MYO5B: variants seen among roughly 807,000 people sequenced by gnomAD.
MYO5B encodes the protein myosin VB.
Under a neutral mutation model 229.3 loss-of-function variants are expected in MYO5B, and 143 were observed. That is an observed-to-expected ratio of 0.62 (90% CI 0.54 to 0.72). MYO5B has a LOEUF of 0.72. Among genes scored for constraint, MYO5B ranks in the 30% least tolerant of loss-of-function variants. The pLI, the probability that MYO5B is intolerant of heterozygous loss-of-function variation, is 0.00. For synonymous variants in MYO5B, 918 were observed against 885.2 expected (o/e 1.04, Z -0.66); for missense variants, 2,321 against 2,331.0 (o/e 1.00, Z 0.09).
At chr18:49,843,217 T>A in intron 34 of MYO5B, 24 bp downstream of exon 34, 3 of 1,613,054 alleles carry the variant, frequency 1.9e-6, no homozygotes, top group Non-Finnish European at 1.7e-6. Context: ...CCACAAACCA[T>A]GACCTTCTGC....
Position 49,847,298 on chromosome 18 carries a change from G to T in MYO5B, c.4316-9C>A, listed in dbSNP as rs1433742224. ...GGCCAATGCCTGGGCAGCTGAGCAGGAAAGAAAACAGGAAGCATGGATGAG... is the reference window on the plus strand; with the variant it reads ...GGCCAATGCCTGGGCAGCTGAGCAGTAAAGAAAACAGGAAGCATGGATGAG... On this transcript the variant is annotated splice_polypyrimidine_tract_variant and intron_variant, in intron 32 of 39. Transcript: ENST00000285039. 6.2e-7 allele frequency: 1 copy of T among 1,612,586 alleles called. No homozygotes were observed. The highest frequency in any genetic ancestry group is 1.3e-5 in the African/African-American group (1 of 74,882).
intron 13 of MYO5B, among the ~76,000 whole-genome samples, chr18:49,954,081 T>C (rs1024841185): frequency 1.3e-4 from 20 of 151,136 alleles, no homozygotes; most frequent in Admixed American, 6.6e-4. Context: ...TATTCATATA[T>C]ATATATGAAT....
intron 22 of MYO5B, among the ~76,000 whole-genome samples, chr18:49,892,340 G>A (rs369540141): frequency 2.0e-5 from 3 of 152,312 alleles, no homozygotes; most frequent in African/African-American, 7.2e-5. Flanking sequence ...ACAGAGAGAT[G>A]AATTCCTGCC....
At chr18:50,061,331 T>G (rs956128108) in intron 1 of MYO5B, among the ~76,000 whole-genome samples, 3 of 152,162 alleles carry the variant, frequency 2.0e-5, no homozygotes, top group Non-Finnish European at 4.4e-5. Flanking sequence ...GAGCCCACTA[T>G]CACAGCACAT....
chr18:49,947,060 T>C (rs1017505660), intron 14 of MYO5B, among the ~76,000 whole-genome samples: 16 of 149,940 alleles, frequency 1.1e-4, no homozygotes, highest in Non-Finnish European at 2.2e-4. Context: ...GTCCCAACTA[T>C]ACACAAGCCC....
At chr18:49,879,871 G>T (rs997566016) in intron 23 of MYO5B, among the ~76,000 whole-genome samples, 11 of 152,324 alleles carry the variant, frequency 7.2e-5, no homozygotes, top group African/African-American at 2.6e-4. Flanking sequence ...AACATTAACA[G>T]ATGACCCACT....
chr18:50,125,789 A>C (rs930444336), intron 1 of MYO5B, among the ~76,000 whole-genome samples: 5 of 152,242 alleles, frequency 3.3e-5, no homozygotes, highest in Non-Finnish European at 7.3e-5. Context: ...TGGATCAACA[A>C]GCAGACTATC....
At position 49,845,043 on chromosome 18, in the gene MYO5B, C is replaced by T. The variant is rs373619079; in HGVS notation, c.4460-1651G>A. ...GTAGCTCAGCAGGAGATGACCTTTCCTGGGGCCACCTGAGCAAGGGTCATC... is the reference window on the plus strand; with the variant it reads ...GTAGCTCAGCAGGAGATGACCTTTCTTGGGGCCACCTGAGCAAGGGTCATC... On this transcript the variant is annotated intron_variant, in intron 33 of 39. Coordinates refer to ENST00000285039, the MANE Select transcript of MYO5B (RefSeq NM_001080467.3). 2.0e-5 allele frequency among the ~76,000 whole-genome samples: 3 copies of T among 152,282 alleles called. No homozygotes were observed. In the East Asian group the frequency reaches 5.8e-4, roughly 29 times the overall value.
At chr18:50,079,514 C>A (rs112979422) in intron 1 of MYO5B, among the ~76,000 whole-genome samples, 1,538 of 152,276 alleles carry the variant, frequency 0.01, 29 homozygotes, top group African/African-American at 0.034. Flanking sequence ...CTCAAATTCT[C>A]CCCCCTTGAG....
intron 4 of MYO5B, among the ~76,000 whole-genome samples, chr18:50,002,614 T>A (rs2026060274): frequency 6.6e-6 from 1 of 152,188 alleles, no homozygotes; most frequent in South Asian, 2.1e-4. Flanking sequence ...GATCGCAGTT[T>A]CGGGAAACGG....
At chr18:49,915,402 C>G (rs2025002671) in intron 17 of MYO5B, among the ~76,000 whole-genome samples, 1 of 152,210 alleles carries the variant, frequency 6.6e-6, no homozygotes, top group Admixed American at 6.5e-5. Flanking sequence ...GGAACAAGAG[C>G]CCGTATTCAG....
intron 1 of MYO5B, among the ~76,000 whole-genome samples, chr18:50,068,749 T>C (rs1311281081): frequency 6.6e-6 from 1 of 152,148 alleles, no homozygotes; most frequent in South Asian, 2.1e-4. Flanking sequence ...TCCCTCAGCA[T>C]CCAAATAGCA....
At chr18:49,882,626 C>CAAAAAAAAAAAAAAAAAA (rs10683323) in intron 22 of MYO5B, among the ~76,000 whole-genome samples, 4 of 93,830 alleles carry the variant, frequency 4.3e-5, no homozygotes, top group Admixed American at 1.3e-4. Context: ...GAAATCATCT[C>CAAAAAAAAAAAAAAAAAA]AAAAAAAAAA....
At chr18:49,968,622 G>A (rs2025654176) in intron 10 of MYO5B, among the ~76,000 whole-genome samples, 1 of 152,124 alleles carries the variant, frequency 6.6e-6, no homozygotes, top group Non-Finnish European at 1.5e-5. Context: ...GGCCTGGGGA[G>A]TTTCTTCAGA....
chr18:49,902,968 C>T (rs1257627298), intron 20 of MYO5B, 135 bp from the exon 21 acceptor site: 4 of 1,105,488 alleles, frequency 3.6e-6, no homozygotes, highest in Non-Finnish European at 5.2e-6. Flanking sequence ...AATGTGCCCC[C>T]TAAGATCTAA....
chr18:50,168,343 C>T lies in MYO5B; in HGVS notation c.27+26424G>A, dbSNP rs542808429. On this transcript the variant is annotated intron_variant, in intron 1 of 39. Coordinates refer to ENST00000285039, the MANE Select transcript of MYO5B (RefSeq NM_001080467.3). ...GATTTACTGAGAGTCCTTTGAGAGGCCTGCAGTTCCAGAAGACTCAGGAAA... is the reference window on the plus strand; with the variant it reads ...GATTTACTGAGAGTCCTTTGAGAGGTCTGCAGTTCCAGAAGACTCAGGAAA... Among the ~76,000 whole-genome samples, 34 of 152,306 alleles carry T rather than the reference C, an allele frequency of 2.2e-4. 1 individual carries two copies. In the South Asian group the frequency reaches 7.0e-3, roughly 32 times the overall value.
intron 1 of MYO5B, among the ~76,000 whole-genome samples, chr18:50,093,195 C>G (rs569938878): frequency 8.1e-6 from 1 of 124,010 alleles, no homozygotes; most frequent in African/African-American, 3.9e-5. Context: ...CACACACACA[C>G]ACACACACAC....
chr18:49,904,438 C>T (rs1458942314), intron 20 of MYO5B, among the ~76,000 whole-genome samples: 1 of 152,200 alleles, frequency 6.6e-6, no homozygotes, highest in Non-Finnish European at 1.5e-5. Flanking sequence ...CTCTTTTCTT[C>T]ATAAATCACC....
At chr18:49,929,647 C>T (rs777310311) in intron 16 of MYO5B, 49 bp from the exon 17 acceptor site, 4 of 1,481,016 alleles carry the variant, frequency 2.7e-6, no homozygotes, top group Non-Finnish European at 3.7e-6. Flanking sequence ...AGATGAGTGG[C>T]CACATTTGCA....
Sources: allele counts gnomAD v4.1 joint callset (sites outside exome capture counted in the v4.1 genomes callset), GRCh38; gene constraint gnomAD v4.1.1; transcripts MANE v1.5; gene names NCBI Gene and HGNC (gene_info 2026-07-23, HGNC 2026-07-21).